Variants in MACROD2 observed in about 807,000 individuals in gnomAD.
MACROD2 encodes the protein ADP-ribose glycohydrolase MACROD2.
Under a neutral mutation model 70.4 loss-of-function variants are expected in MACROD2, and 36 were observed. The ratio of observed to expected loss-of-function variants is 0.51; its 90% CI spans 0.39 to 0.68. The LOEUF (loss-of-function observed/expected upper bound fraction) is 0.68. Among genes scored for constraint, MACROD2 ranks in the 30% least tolerant of loss-of-function variants. The pLI is 0.00. For missense variants in MACROD2, 496 were observed against 538.4 expected, an observed-to-expected ratio of 0.92 and a Z score of 0.78; for synonymous variants, 172 against 178.8, an observed-to-expected ratio of 0.96 and a Z score of 0.30.
chr20:14,038,181 C>G (rs1021588394), intron 2 of MACROD2, among the ~76,000 whole-genome samples: 1 of 151,994 alleles, frequency 6.6e-6, no homozygotes, highest in African/African-American at 2.4e-5. Flanking sequence ...GTAGTCCCAG[C>G]TACTCAGGAG....
intron 15 of MACROD2, among the ~76,000 whole-genome samples, chr20:16,028,852 T>C (rs1421261646): frequency 6.6e-6 from 1 of 152,110 alleles, no homozygotes; most frequent in East Asian, 1.9e-4. Flanking sequence ...ACTAGGTGAG[T>C]AACAGATGGC....
intron 4 of MACROD2, among the ~76,000 whole-genome samples, chr20:14,551,210 A>G (rs1401238288): frequency 6.6e-6 from 1 of 152,158 alleles, no homozygotes; most frequent in Admixed American, 6.5e-5. Context: ...TGTCCTAGGA[A>G]TTGGATCCAA....
At chr20:14,512,858 A>T (rs185019819) in intron 4 of MACROD2, among the ~76,000 whole-genome samples, 3 of 152,228 alleles carry the variant, frequency 2.0e-5, no homozygotes, top group African/African-American at 7.2e-5. Context: ...TAGAAAAACT[A>T]TGCAGGTAGC....
At chr20:15,077,372 A>G (rs1237821716) in intron 5 of MACROD2, among the ~76,000 whole-genome samples, 1 of 152,194 alleles carries the variant, frequency 6.6e-6, no homozygotes, top group African/African-American at 2.4e-5. Flanking sequence ...AGTATATCCA[A>G]GTATGAATGA....
At chr20:14,037,245 G>T (rs945827393) in intron 2 of MACROD2, among the ~76,000 whole-genome samples, 1 of 152,118 alleles carries the variant, frequency 6.6e-6, no homozygotes, top group Non-Finnish European at 1.5e-5. Context: ...TTGCAATTTT[G>T]TAGAATTTAC....
intron 15 of MACROD2, among the ~76,000 whole-genome samples, chr20:16,002,261 AG>A (rs2066719618): frequency 6.6e-6 from 1 of 152,194 alleles, no homozygotes; most frequent in Admixed American, 6.5e-5. Context: ...GAGAACATTA[AG>A]GGTTACTGTT....
intron 5 of MACROD2, among the ~76,000 whole-genome samples, chr20:15,041,376 C>T (rs1480740186): frequency 1.3e-5 from 2 of 152,102 alleles, no homozygotes; most frequent in African/African-American, 4.8e-5. Context: ...TTTAGAAAGT[C>T]ATGTACTTCT....
intron 5 of MACROD2, among the ~76,000 whole-genome samples, chr20:14,819,921 C>T (rs1009986941): frequency 5.3e-5 from 8 of 151,988 alleles, no homozygotes; most frequent in Non-Finnish European, 1.0e-4. Context: ...TTGTTCCCAA[C>T]CTAAAAGCCC....
chr20:15,667,998 G>C (rs1282517584), intron 8 of MACROD2, among the ~76,000 whole-genome samples: 1 of 150,916 alleles, frequency 6.6e-6, no homozygotes, highest in Non-Finnish European at 1.5e-5. Flanking sequence ...CACACCGTGA[G>C]TGTGTAATCT....
intron 3 of MACROD2, among the ~76,000 whole-genome samples, chr20:14,174,862 G>A (rs2081250814): frequency 6.6e-6 from 1 of 152,200 alleles, no homozygotes; most frequent in Non-Finnish European, 1.5e-5. Flanking sequence ...TCTTTCTGCT[G>A]CTTCTTCTAC....
intron 6 of MACROD2, among the ~76,000 whole-genome samples, chr20:15,234,036 T>C (rs2076990179): frequency 2.4e-5 from 1 of 41,340 alleles, no homozygotes; most frequent in Non-Finnish European, 4.5e-5. Context: ...TTTTTTTTTT[T>C]TTTTTTTTTT....
intron 5 of MACROD2, among the ~76,000 whole-genome samples, chr20:15,114,058 C>G (rs568030720): frequency 2.4e-3 from 358 of 152,290 alleles, no homozygotes; most frequent in Non-Finnish European, 3.9e-3. Context: ...GTGGTCACCG[C>G]TATCCAAGGA....
At chr20:15,747,271 A>G (rs919675056) in intron 8 of MACROD2, among the ~76,000 whole-genome samples, 1 of 152,102 alleles carries the variant, frequency 6.6e-6, no homozygotes, top group Non-Finnish European at 1.5e-5. Flanking sequence ...TGGCCAGCTG[A>G]TGGCACCTGA....
chr20:15,466,217 ATTCATTCT>A (rs2146424735), intron 7 of MACROD2, among the ~76,000 whole-genome samples: 1 of 152,264 alleles, frequency 6.6e-6, no homozygotes, highest in South Asian at 2.1e-4. Flanking sequence ...TTGTTCATTC[ATTCATTCT>A]TTCATTCATT....
chr20:15,113,141 G>A (rs1156332924), intron 5 of MACROD2, among the ~76,000 whole-genome samples: 2 of 152,158 alleles, frequency 1.3e-5, no homozygotes, highest in Non-Finnish European at 2.9e-5. Context: ...CCCAGAAGTG[G>A]AATTGATGAA....
chr20:15,297,040 T>A (rs1307500844), intron 6 of MACROD2, among the ~76,000 whole-genome samples: 2 of 152,206 alleles, frequency 1.3e-5, no homozygotes. Flanking sequence ...CATGGTCAGA[T>A]ACCCTGTGGT....
intron 5 of MACROD2, among the ~76,000 whole-genome samples, chr20:15,001,888 T>G (rs1244717247): frequency 6.6e-6 from 1 of 151,998 alleles, no homozygotes; most frequent in African/African-American, 2.4e-5. Context: ...AAGTCCCCAC[T>G]GTCCATTGTA....
At chr20:14,280,122 A>G (rs776455424) in intron 3 of MACROD2, among the ~76,000 whole-genome samples, 9 of 152,270 alleles carry the variant, frequency 5.9e-5, no homozygotes, top group East Asian at 5.8e-4. Flanking sequence ...TTTAATGTCT[A>G]TTTAGAACTT....
At chr20:14,990,058 C>T (rs781312381) in intron 5 of MACROD2, among the ~76,000 whole-genome samples, 42 of 152,052 alleles carry the variant, frequency 2.8e-4, no homozygotes, top group Middle Eastern at 3.4e-3. Context: ...TACAAGTAGC[C>T]GGCAGCTTAA....
Sources: allele counts gnomAD v4.1 joint callset (sites outside exome capture counted in the v4.1 genomes callset), GRCh38; gene constraint gnomAD v4.1.1; transcripts MANE v1.5; gene names NCBI Gene and HGNC (gene_info 2026-07-23, HGNC 2026-07-21).